The following PDE1A variants were observed in gnomAD, a reference collection of about 807,000 sequenced individuals.
PDE1A encodes dual specificity calcium/calmodulin-dependent 3',5'-cyclic nucleotide phosphodiesterase 1A.
In PDE1A, 35 loss-of-function variants were observed where a neutral mutation model predicts 61.7. The observed-to-expected ratio is 0.57, with a 90% CI of 0.43 to 0.75. PDE1A has a LOEUF of 0.75. Ranked by LOEUF, PDE1A falls within the 30% of genes least tolerant of loss-of-function variation. The pLI is 0.00. For synonymous variants in PDE1A, 232 were observed against 213.2 expected (o/e 1.09, Z -0.77); for missense variants, 597 against 630.6 (o/e 0.95, Z 0.57).
the PDE1A span, among the ~76,000 whole-genome samples, chr2:182,601,352 G>A: frequency 3.9e-5 from 6 of 152,228 alleles, no homozygotes; most frequent in African/African-American, 1.4e-4. Flanking sequence ...CTGGCACCAA[G>A]GAATTCAGCA....
intron 1 of PDE1A, among the ~76,000 whole-genome samples, chr2:182,338,713 G>A (rs1309425267): frequency 3.3e-5 from 5 of 151,950 alleles, no homozygotes; most frequent in African/African-American, 9.7e-5. Flanking sequence ...TAGTAGAGAC[G>A]GGGTTTCACC....
At chr2:182,401,106 T>A (rs371540391) in intron 1 of PDE1A, among the ~76,000 whole-genome samples, 1 of 152,196 alleles carries the variant, frequency 6.6e-6, no homozygotes, top group Admixed American at 6.5e-5. Flanking sequence ...AAAGAGGAGC[T>A]AGTACCATTC....
chr2:182,516,807 G>C, intron 2 of PDE1A, among the ~76,000 whole-genome samples: 1 of 110,050 alleles, frequency 9.1e-6, no homozygotes, highest in Non-Finnish European at 1.9e-5. Flanking sequence ...GAGAAAGGAA[G>C]GAAGGAAAGG....
At chr2:182,587,675 C>A in the PDE1A span, among the ~76,000 whole-genome samples, 111 of 152,138 alleles carry the variant, frequency 7.3e-4, 1 homozygote, top group Admixed American at 2.6e-3. Flanking sequence ...CGGGTTTAGA[C>A]AAGTTCTACT....
intron 2 of PDE1A, among the ~76,000 whole-genome samples, chr2:182,479,741 T>A (rs1463484949): frequency 6.6e-6 from 1 of 151,932 alleles, no homozygotes; most frequent in Middle Eastern, 3.2e-3. Context: ...GTATAAATCA[T>A]ACATAATAGA....
At chr2:182,426,587 G>A (rs775040163) in exon 1 of PDE1A, 3 of 1,608,072 alleles carry the variant, frequency 1.9e-6, no homozygotes, top group Admixed American at 3.3e-5. Flanking sequence ...CCTAAAGATG[G>A]GTCTTTGGAG....
chr2:182,415,861 T>C (rs1702883413), intron 1 of PDE1A, among the ~76,000 whole-genome samples: 1 of 152,196 alleles, frequency 6.6e-6, no homozygotes, highest in African/African-American at 2.4e-5. Context: ...AAACAATGTT[T>C]AAGGACATTC....
the PDE1A span, among the ~76,000 whole-genome samples, chr2:182,559,581 A>C: frequency 6.6e-6 from 1 of 152,174 alleles, no homozygotes; most frequent in Non-Finnish European, 1.5e-5. Flanking sequence ...GTACCTACTA[A>C]AGCTGAACAT....
At chr2:182,499,971 G>T (rs910124944) in intron 2 of PDE1A, among the ~76,000 whole-genome samples, 5 of 152,146 alleles carry the variant, frequency 3.3e-5, no homozygotes, top group African/African-American at 9.7e-5. Context: ...GGAGCTGGGG[G>T]ACAAAGATTT....
At chr2:182,310,860 T>G (rs1695919893) in intron 1 of PDE1A, among the ~76,000 whole-genome samples, 1 of 152,210 alleles carries the variant, frequency 6.6e-6, no homozygotes, top group Admixed American at 6.5e-5. Flanking sequence ...CAAGGCCATG[T>G]GACCATGTTC....
chr2:182,413,000 C>G (rs149286464), intron 1 of PDE1A, among the ~76,000 whole-genome samples: 1 of 152,016 alleles, frequency 6.6e-6, no homozygotes, highest in Non-Finnish European at 1.5e-5. Flanking sequence ...GAAGCATGGA[C>G]GAGGACAGAG....
chr2:182,466,614 A>G (rs1380616776), intron 2 of PDE1A, among the ~76,000 whole-genome samples: 1 of 152,052 alleles, frequency 6.6e-6, no homozygotes, highest in African/African-American at 2.4e-5. Flanking sequence ...TGGGAAGACC[A>G]GAGAGAAGAG....
chr2:182,695,402 T>C, the PDE1A span, among the ~76,000 whole-genome samples: 2 of 152,004 alleles, frequency 1.3e-5, no homozygotes, highest in African/African-American at 4.8e-5. Context: ...TGTGGACATG[T>C]CTGAGAGTTT....
intron 2 of PDE1A, among the ~76,000 whole-genome samples, chr2:182,246,766 T>C (rs898386434): frequency 1.3e-5 from 2 of 152,112 alleles, no homozygotes; most frequent in Admixed American, 6.6e-5. Flanking sequence ...ATACCATATG[T>C]CCACTGGTTG....
intron 2 of PDE1A, among the ~76,000 whole-genome samples, chr2:182,473,453 C>A (rs991593349): frequency 6.6e-5 from 10 of 151,854 alleles, no homozygotes; most frequent in African/African-American, 2.4e-4. Flanking sequence ...ACAACCCCAT[C>A]AAAAAGTGGG....
chr2:182,615,730 C>T, the PDE1A span, among the ~76,000 whole-genome samples: 2 of 152,002 alleles, frequency 1.3e-5, no homozygotes, highest in Admixed American at 1.3e-4. Flanking sequence ...CTGCATCATA[C>T]CATGGTGGAA....
At chr2:182,638,967 A>G in the PDE1A span, among the ~76,000 whole-genome samples, 1 of 152,178 alleles carries the variant, frequency 6.6e-6, no homozygotes, top group Non-Finnish European at 1.5e-5. Context: ...CTCTGAAGAC[A>G]CCTCCTTTCA....
chr2:182,604,517 CA>C, the PDE1A span, among the ~76,000 whole-genome samples: 23 of 152,282 alleles, frequency 1.5e-4, no homozygotes, highest in South Asian at 4.4e-3. Flanking sequence ...CAAAAGTAAT[CA>C]TTTGCTCAGT....
the PDE1A span, among the ~76,000 whole-genome samples, chr2:182,658,377 C>T: frequency 6.6e-6 from 1 of 152,182 alleles, no homozygotes; most frequent in Non-Finnish European, 1.5e-5. Context: ...TGCACCTTTG[C>T]CCTCATATGG....
Sources: allele counts gnomAD v4.1 joint callset (sites outside exome capture counted in the v4.1 genomes callset), GRCh38; gene constraint gnomAD v4.1.1; transcripts MANE v1.5; gene names NCBI Gene and HGNC (gene_info 2026-07-23, HGNC 2026-07-21).